The following DNER variants were observed in gnomAD, a reference collection of about 807,000 sequenced individuals.
DNER encodes delta/notch like EGF repeat containing.
A neutral mutation model predicts 78.2 loss-of-function variants in DNER; 33 were observed. The observed-to-expected ratio is 0.42, with a 90% CI of 0.32 to 0.56. DNER has a LOEUF of 0.56. Among genes scored for constraint, DNER ranks in the 20% least tolerant of loss-of-function variants. DNER has a pLI of 0.11. For synonymous variants in DNER, 417 were observed against 384.8 expected, an observed-to-expected ratio of 1.08 and a Z score of -0.98; for missense variants, 918 against 975.3, an observed-to-expected ratio of 0.94 and a Z score of 0.78.
At chr2:229,375,927 C>T (rs920729340) in intron 11 of DNER, among the ~76,000 whole-genome samples, 4 of 152,180 alleles carry the variant, frequency 2.6e-5, no homozygotes, top group Middle Eastern at 3.4e-3. Flanking sequence ...ATCATGGGGG[C>T]GGGTCCCCCA....
chr2:229,620,149 G>A (rs1349751468), intron 1 of DNER, among the ~76,000 whole-genome samples: 2 of 152,262 alleles, frequency 1.3e-5, no homozygotes, highest in East Asian at 1.9e-4. Context: ...TGTGGGTGTC[G>A]CGGAAGAACG....
At chr2:229,637,717 A>G (rs1303449849) in intron 1 of DNER, among the ~76,000 whole-genome samples, 2 of 152,250 alleles carry the variant, frequency 1.3e-5, no homozygotes, top group Non-Finnish European at 2.9e-5. Flanking sequence ...AAAGACTACA[A>G]ATCAAGTGCG....
At chr2:229,455,332 G>A (rs1036261377) in intron 7 of DNER, among the ~76,000 whole-genome samples, 9 of 152,094 alleles carry the variant, frequency 5.9e-5, no homozygotes, top group African/African-American at 1.9e-4. Context: ...CTACAAAATG[G>A]TGTTGGCTCC....
At chr2:229,689,553 T>C (rs1699535173) in intron 1 of DNER, among the ~76,000 whole-genome samples, 1 of 152,140 alleles carries the variant, frequency 6.6e-6, no homozygotes, top group Non-Finnish European at 1.5e-5. Flanking sequence ...TTAACTCAGA[T>C]TGGATGAAAG....
At chr2:229,696,633 G>T (rs1377959958) in intron 1 of DNER, among the ~76,000 whole-genome samples, 1 of 152,154 alleles carries the variant, frequency 6.6e-6, no homozygotes, top group Non-Finnish European at 1.5e-5. Context: ...GAGTGGAGGG[G>T]CAGCATTCAT....
intron 1 of DNER, among the ~76,000 whole-genome samples, chr2:229,706,819 T>A (rs1047354530): frequency 2.0e-5 from 3 of 152,168 alleles, no homozygotes; most frequent in Admixed American, 1.3e-4. Flanking sequence ...CAAGCGATCC[T>A]CCCACCTTGG....
At chr2:229,665,679 C>G (rs1010970773) in intron 1 of DNER, among the ~76,000 whole-genome samples, 2 of 152,062 alleles carry the variant, frequency 1.3e-5, no homozygotes, top group African/African-American at 2.4e-5. Context: ...TATAGTCTAC[C>G]AAAGCAATGC....
chr2:229,599,437 AT>A (rs5839340), intron 1 of DNER, among the ~76,000 whole-genome samples: 59,612 of 151,620 alleles, frequency 0.39, 11,717 homozygotes, highest in East Asian at 0.5. Flanking sequence ...GAATTGGATA[AT>A]TTTTTTTATC....
chr2:229,377,684 T>C (rs964289165), intron 11 of DNER, among the ~76,000 whole-genome samples: 30 of 152,210 alleles, frequency 2.0e-4, no homozygotes, highest in African/African-American at 6.5e-4. Context: ...TTTCTGCTTC[T>C]TATTACTGAC....
intron 6 of DNER, among the ~76,000 whole-genome samples, chr2:229,508,447 C>G (rs1460660757): frequency 2.0e-5 from 3 of 152,034 alleles, no homozygotes; most frequent in Non-Finnish European, 4.4e-5. Flanking sequence ...TTAGTAATAA[C>G]AGTATTAAGT....
chr2:229,510,790 A>G (rs1445725156), intron 6 of DNER, among the ~76,000 whole-genome samples: 1 of 152,200 alleles, frequency 6.6e-6, no homozygotes, highest in Non-Finnish European at 1.5e-5. Flanking sequence ...ACCTGGAGAT[A>G]AAAATCTGGG....
At chr2:229,424,614 T>C (rs1693836023) in intron 8 of DNER, among the ~76,000 whole-genome samples, 1 of 152,160 alleles carries the variant, frequency 6.6e-6, no homozygotes, top group Non-Finnish European at 1.5e-5. Context: ...TGAGTGCTTC[T>C]CATAAGGACA....
At chr2:229,377,607 G>T (rs1241004856) in intron 11 of DNER, among the ~76,000 whole-genome samples, 5 of 152,218 alleles carry the variant, frequency 3.3e-5, no homozygotes, top group African/African-American at 9.6e-5. Flanking sequence ...CTATTTGATC[G>T]ATTCTATTAG....
intron 5 of DNER, among the ~76,000 whole-genome samples, chr2:229,529,150 G>C (rs989666526): frequency 7.9e-5 from 12 of 151,976 alleles, no homozygotes; most frequent in African/African-American, 2.9e-4. Context: ...CAGGCAAAAG[G>C]CAAGTCTACC....
At chr2:229,623,967 A>C (rs1020542661) in intron 1 of DNER, among the ~76,000 whole-genome samples, 3 of 152,234 alleles carry the variant, frequency 2.0e-5, no homozygotes, top group Admixed American at 6.5e-5. Context: ...TGAATAACCA[A>C]CAGCCATGGT....
In DNER at chr2:229,620,148, C is replaced by T. The variant is rs185260489; in HGVS notation, c.277-28260G>A. ...GGGCACCCTCTCAGCCTGTGGGTGT[C>T]GCGGAAGAACGGGATCACCCTCCCC... On this transcript the variant is annotated intron_variant, in intron 1 of 12. Coordinates refer to ENST00000341772, the MANE Select transcript of DNER (RefSeq NM_139072.4). 3.9e-5 allele frequency among the ~76,000 whole-genome samples: 6 copies of T among 152,182 alleles called. No homozygotes were observed. The East Asian group carries it at 1.2e-3, about 29-fold the overall frequency.
intron 1 of DNER, among the ~76,000 whole-genome samples, chr2:229,703,247 T>G (rs1699778112): frequency 6.6e-6 from 1 of 152,144 alleles, no homozygotes. Context: ...CCACACATGC[T>G]TGGTCAAATG....
intron 5 of DNER, among the ~76,000 whole-genome samples, chr2:229,520,216 CCTT>C (rs566389380): frequency 1.4e-4 from 21 of 152,334 alleles, no homozygotes; most frequent in South Asian, 4.1e-4. Flanking sequence ...ATCTTCTCCT[CCTT>C]CTTCCGTGTC....
At chr2:229,548,943 A>G (rs887155674) in intron 4 of DNER, among the ~76,000 whole-genome samples, 2 of 152,200 alleles carry the variant, frequency 1.3e-5, no homozygotes, top group African/African-American at 4.8e-5. Context: ...TAGACAAGAC[A>G]CAGGCTTGAA....
Sources: gnomAD v4.1 joint callset for allele counts (sites outside exome capture counted in the v4.1 genomes callset) on GRCh38, gnomAD v4.1.1 for gene constraint, MANE v1.5 for transcripts, NCBI Gene and HGNC (gene_info 2026-07-23, HGNC 2026-07-21) for gene names.